Variants in SRPRB observed in about 807,000 individuals in gnomAD.
The protein encoded by SRPRB is signal recognition particle receptor subunit beta.
SRPRB carries 20 observed loss-of-function variants against 31.9 expected under a neutral mutation model. The observed-to-expected ratio is 0.63, with a 90% CI of 0.44 to 0.91. The LOEUF is 0.91. SRPRB is among the 40% of genes least tolerant of loss of function. The pLI is 0.00. For missense variants in SRPRB, 321 were observed against 324.9 expected (o/e 0.99, Z 0.09); for synonymous variants, 146 against 132.8 (o/e 1.10, Z -0.68).
chr3:133,804,051 G>T (rs1196740053), upstream of SRPRB, among the ~76,000 whole-genome samples: 2 of 124,508 alleles, frequency 1.6e-5, no homozygotes, highest in African/African-American at 3.2e-5. Context: ...AGCCGAGATC[G>T]CACCACTGCA....
intron 5 of SRPRB, 77 bp downstream of exon 5, chr3:133,815,803 C>T (rs1274370871): frequency 1.3e-6 from 2 of 1,523,868 alleles, no homozygotes; most frequent in African/African-American, 1.4e-5. Context: ...CCATTATTTA[C>T]AGTTGTTATT....
downstream of SRPRB, chr3:133,824,913 C>CCTAA (rs1935533371): frequency 6.6e-6 from 1 of 152,140 alleles, no homozygotes; most frequent in Non-Finnish European, 1.5e-5. Context: ...TCTGATCACT[C>CCTAA]CTAACTTGCT....
chr3:133,806,756 C>T, intron 2 of SRPRB, 53 bp downstream of exon 2: 1 of 1,320,336 alleles, frequency 7.6e-7, no homozygotes, highest in African/African-American at 1.4e-5. Flanking sequence ...TTTTATAGAT[C>T]CCAGTATTCC....
chr3:133,806,752 A>G, intron 2 of SRPRB, 49 bp downstream of exon 2: 1 of 1,381,906 alleles, frequency 7.2e-7, no homozygotes, highest in Non-Finnish European at 1.0e-6. Context: ...AAAATTTTAT[A>G]GATCCCAGTA....
chr3:133,819,973 A>G lies in SRPRB; in HGVS notation c.*207A>G, dbSNP rs545105920. The G allele has an allele frequency of 3.1e-5, 17 of 551,730 alleles. No individual in the cohort carries two copies. The South Asian group carries it at 3.4e-4, about 11-fold the overall frequency. The allele number at this position is 551,730 out of a possible 1,614,324, so 34.2% of individuals were successfully genotyped here. ...TCTCCCTTATGGCTGCCTTTCAAAC[A>G]AGTACCTTTTATCTGATGCCTGTAT... is the stretch of plus-strand genomic sequence containing the variant. On this transcript the variant is annotated 3_prime_UTR_variant, in exon 7 of 7. Coordinates refer to ENST00000678299, the MANE Select transcript of SRPRB (RefSeq NM_001379313.1).
chr3:133,808,484 A>T (rs1935202114), intron 3 of SRPRB, among the ~76,000 whole-genome samples: 1 of 152,152 alleles, frequency 6.6e-6, no homozygotes. Context: ...TTAAATTCTT[A>T]CTTAATCTGG....
At position 133,820,811 on chromosome 3, in the gene SRPRB, CAT is replaced by C. The variant is rs1398738849; in HGVS notation, c.*1046_*1047del. The C allele has an allele frequency of 6.6e-6, 1 of 152,178 alleles. No individual in the cohort carries two copies. The highest frequency in any genetic ancestry group is 1.5e-5 in the Non-Finnish European group (1 of 68,036). The allele number at this position is 152,178 out of a possible 1,614,324, so 9.4% of individuals were successfully genotyped here. On this transcript the variant is annotated 3_prime_UTR_variant, in exon 7 of 7. Transcript: ENST00000678299. ...GTAATGGTGAGTACAAATGAGTGCA[CAT>C]GTCAGGACTCAGGTCTAACTCCTTG...
chr3:133,815,602 T>C lies in SRPRB; in HGVS notation c.423T>C (p.Phe141=). The C allele has an allele frequency of 6.2e-7, 1 of 1,613,934 alleles. No homozygotes were observed. The highest frequency in any genetic ancestry group is 8.5e-7 in the Non-Finnish European group (1 of 1,179,972). The change falls in exon 5 of 7, where the codon TTT becomes TTC. Residue 141 remains phenylalanine, a synonymous_variant. Transcript: ENST00000678299. The part of the protein sequence containing the change: ...RFKSSARAIV[F]VVDSAAFQRE... ...TTTCTCCCTCCAGGGCTATTGTGTT[T>C]GTTGTGGATAGTGCAGCATTCCAGC... is the stretch of plus-strand genomic sequence containing the variant.
upstream of SRPRB, chr3:133,805,790 C>T (rs1935139606): frequency 1.3e-6 from 2 of 1,526,416 alleles, no homozygotes; most frequent in African/African-American, 1.4e-5. Context: ...GCTCCCCGCG[C>T]CTGCGCAGAG....
At chr3:133,806,870 T>C (rs1391998764) in intron 2 of SRPRB, among the ~76,000 whole-genome samples, 167 bp downstream of exon 2, 1 of 152,230 alleles carries the variant, frequency 6.6e-6, no homozygotes, top group Non-Finnish European at 1.5e-5. Flanking sequence ...AAACCCATAA[T>C]TGAGAAATAT....
intron 1 of SRPRB, chr3:133,790,437 A>C (rs1177072510): frequency 1.3e-5 from 2 of 152,214 alleles, no homozygotes; most frequent in Non-Finnish European, 2.9e-5. Context: ...AGTTATCTAA[A>C]AGTTAGTTCA....
chr3:133,812,495 G>A (rs1468748041), intron 4 of SRPRB, among the ~76,000 whole-genome samples: 2 of 152,146 alleles, frequency 1.3e-5, no homozygotes, highest in Non-Finnish European at 2.9e-5. Flanking sequence ...AATAAAACAT[G>A]CAAAATATGA....
intron 2 of SRPRB, among the ~76,000 whole-genome samples, chr3:133,807,304 A>G (rs1439807702): frequency 7.8e-6 from 1 of 127,784 alleles, no homozygotes; most frequent in Non-Finnish European, 1.5e-5. Context: ...CCCAGGCTGG[A>G]GTGCAGTGGC....
intron 1 of SRPRB, 151 bp downstream of exon 1, chr3:133,806,153 C>G: frequency 9.2e-7 from 1 of 1,091,378 alleles, no homozygotes; most frequent in Non-Finnish European, 1.3e-6. Context: ...CACCCTCTCT[C>G]CTGAAGCAGC....
At chr3:133,826,567 G>C (rs538717705), downstream of SRPRB, 1 of 152,650 alleles carries the variant, frequency 6.6e-6, no homozygotes, top group Admixed American at 6.5e-5. Context: ...AAATTCTCTC[G>C]AGGTAAGTAA....
upstream of SRPRB, among the ~76,000 whole-genome samples, chr3:133,803,194 C>G (rs1362288463): frequency 6.6e-6 from 1 of 151,722 alleles, no homozygotes; most frequent in African/African-American, 2.4e-5. Flanking sequence ...TTTTTCCTCT[C>G]AAGTCATAGT....
chr3:133,827,779 G>C (rs1340176754), downstream of SRPRB: 3 of 148,522 alleles, frequency 2.0e-5, no homozygotes, highest in Non-Finnish European at 4.5e-5. Context: ...CATCACAGAG[G>C]ATCAACTCCA....
chr3:133,809,272 C>T (rs1426928780), intron 3 of SRPRB, among the ~76,000 whole-genome samples: 5 of 152,106 alleles, frequency 3.3e-5, no homozygotes, highest in Admixed American at 1.3e-4. Flanking sequence ...GGATTACAGG[C>T]GTGAGCCACT....
downstream of SRPRB, chr3:133,828,545 C>T (rs191698478): frequency 4.0e-6 from 2 of 501,860 alleles, no homozygotes; most frequent in African/African-American, 4.0e-5. Context: ...TTTTGGCAAT[C>T]TTAATAAAGT....
Sources: gnomAD v4.1 joint callset for allele counts (sites outside exome capture counted in the v4.1 genomes callset) on GRCh38, gnomAD v4.1.1 for gene constraint, MANE v1.5 for transcripts, NCBI Gene and HGNC (gene_info 2026-07-23, HGNC 2026-07-21) for gene names.